Variants in CRPPA observed in about 807,000 individuals in gnomAD.
CRPPA encodes CDP-L-ribitol pyrophosphorylase A.
In CRPPA, 43 loss-of-function variants were observed where a neutral mutation model predicts 52.0. The observed-to-expected ratio is 0.83, with a 90% CI of 0.65 to 1.07. CRPPA has a LOEUF of 1.07. Ranked by LOEUF, CRPPA falls within the 50% of genes least tolerant of loss-of-function variation. The probability of loss-of-function intolerance (pLI) is 0.00; values close to 1 mark genes in which losing one functional copy is unlikely to be tolerated. For missense variants in CRPPA, 629 were observed against 551.7 expected, an observed-to-expected ratio of 1.14 and a Z score of -1.40; for synonymous variants, 250 against 203.5, an observed-to-expected ratio of 1.23 and a Z score of -1.94.
At chr7:16,109,197 A>T (rs1474987227) in intron 9 of CRPPA, among the ~76,000 whole-genome samples, 2 of 151,770 alleles carry the variant, frequency 1.3e-5, no homozygotes, top group Non-Finnish European at 2.9e-5. Flanking sequence ...AGAAAAGAGA[A>T]GACTCAAATA....
At chr7:16,216,036 A>T in intron 9 of CRPPA, 30 bp downstream of exon 9, 1 of 1,529,946 alleles carries the variant, frequency 6.5e-7, no homozygotes. Flanking sequence ...TCTACAGAAC[A>T]TACATTCGGA....
chr7:16,380,059 T>G (rs567094999), intron 2 of CRPPA, among the ~76,000 whole-genome samples: 4,298 of 151,116 alleles, frequency 0.028, 218 homozygotes, highest in African/African-American at 0.098. Context: ...GGCATCCCTG[T>G]CTTGTGCCAG....
At chr7:16,285,273 C>T (rs1302965871) in intron 5 of CRPPA, among the ~76,000 whole-genome samples, 2 of 152,158 alleles carry the variant, frequency 1.3e-5, no homozygotes, top group East Asian at 3.9e-4. Context: ...AGTCTTTTGT[C>T]TCTCCCTGAA....
intron 3 of CRPPA, among the ~76,000 whole-genome samples, chr7:16,339,791 C>T (rs1405954092): frequency 6.6e-5 from 10 of 152,126 alleles, no homozygotes; most frequent in Non-Finnish European, 1.2e-4. Flanking sequence ...AATGTAAATG[C>T]ATCAACAAAA....
At chr7:16,174,132 G>A (rs887775068) in intron 9 of CRPPA, among the ~76,000 whole-genome samples, 2 of 152,050 alleles carry the variant, frequency 1.3e-5, no homozygotes, top group African/African-American at 4.8e-5. Flanking sequence ...GACCAAAAAG[G>A]CCACAAACTG....
intron 1 of CRPPA, among the ~76,000 whole-genome samples, chr7:16,407,873 G>A (rs1787991022): frequency 6.6e-6 from 1 of 152,122 alleles, no homozygotes; most frequent in Non-Finnish European, 1.5e-5. Flanking sequence ...TTGGGAGGCT[G>A]AGGCAGGTGG....
intron 5 of CRPPA, among the ~76,000 whole-genome samples, chr7:16,282,167 A>G (rs1784334477): frequency 6.6e-6 from 1 of 152,026 alleles, no homozygotes; most frequent in Non-Finnish European, 1.5e-5. Flanking sequence ...ATTTATATTT[A>G]AGGCTCTAAA....
At chr7:16,122,346 G>C (rs940432806) in intron 9 of CRPPA, among the ~76,000 whole-genome samples, 1 of 151,810 alleles carries the variant, frequency 6.6e-6, no homozygotes, top group African/African-American at 2.4e-5. Context: ...GAAAGAAAGA[G>C]TCCATCTTGA....
chr7:16,171,064 T>C (rs998378235), intron 9 of CRPPA, among the ~76,000 whole-genome samples: 13 of 152,242 alleles, frequency 8.5e-5, no homozygotes, highest in East Asian at 7.7e-4. Flanking sequence ...GTGGTCAGAG[T>C]GGACGCCAAG....
intron 6 of CRPPA, among the ~76,000 whole-genome samples, chr7:16,266,029 C>T (rs1185681241): frequency 6.6e-6 from 1 of 152,084 alleles, no homozygotes; most frequent in African/African-American, 2.4e-5. Context: ...ACACCCTTAC[C>T]CAGAGAGGAG....
chr7:16,257,371 T>G (rs1005087551), intron 8 of CRPPA, among the ~76,000 whole-genome samples: 1 of 152,076 alleles, frequency 6.6e-6, no homozygotes, highest in African/African-American at 2.4e-5. Flanking sequence ...CTTCCAACAT[T>G]GGATATATTC....
At chr7:16,321,139 A>G (rs532013426) in intron 3 of CRPPA, among the ~76,000 whole-genome samples, 7 of 152,160 alleles carry the variant, frequency 4.6e-5, no homozygotes, top group Non-Finnish European at 7.4e-5. Flanking sequence ...CATATCTATC[A>G]AACACTGCCT....
At chr7:16,242,216 A>G (rs928986523) in intron 8 of CRPPA, among the ~76,000 whole-genome samples, 1 of 151,842 alleles carries the variant, frequency 6.6e-6, no homozygotes, top group Non-Finnish European at 1.5e-5. Flanking sequence ...TGCCTCCCAA[A>G]GTGTTGGGAT....
intron 3 of CRPPA, among the ~76,000 whole-genome samples, chr7:16,344,866 T>C (rs1785968660): frequency 6.7e-6 from 1 of 149,654 alleles, no homozygotes; most frequent in South Asian, 2.1e-4. Context: ...TGGATAATAA[T>C]GAAGCATGCC....
chr7:16,325,220 G>A (rs1785354912), intron 3 of CRPPA, among the ~76,000 whole-genome samples: 1 of 152,172 alleles, frequency 6.6e-6, no homozygotes, highest in Admixed American at 6.5e-5. Context: ...GTTGAGAAAG[G>A]AAGTCAAACC....
At chr7:16,397,134 G>C (rs1460391425) in intron 2 of CRPPA, among the ~76,000 whole-genome samples, 1 of 152,268 alleles carries the variant, frequency 6.6e-6, no homozygotes, top group South Asian at 2.1e-4. Flanking sequence ...TGACAAGTTA[G>C]AGATGCGTGT....
intron 9 of CRPPA, among the ~76,000 whole-genome samples, chr7:16,174,308 G>T (rs750119597): frequency 1.3e-5 from 2 of 152,086 alleles, no homozygotes; most frequent in Admixed American, 6.6e-5. Context: ...ATGAAGTCAG[G>T]GTCAACAAAT....
At chr7:16,408,109 A>G (rs1457838012) in intron 1 of CRPPA, among the ~76,000 whole-genome samples, 2 of 69,948 alleles carry the variant, frequency 2.9e-5, no homozygotes, top group Admixed American at 1.6e-4. Flanking sequence ...CTCTGTCTTT[A>G]AAAAAAAAAA....
chr7:16,327,335 G>A (rs4489204), intron 3 of CRPPA, among the ~76,000 whole-genome samples: 12,988 of 152,132 alleles, frequency 0.085, 964 homozygotes, highest in African/African-American at 0.2. Flanking sequence ...GCTCACGCCT[G>A]TAATCCCAGC....
Sources: gnomAD v4.1 joint callset for allele counts (sites outside exome capture counted in the v4.1 genomes callset) on GRCh38, gnomAD v4.1.1 for gene constraint, MANE v1.5 for transcripts, NCBI Gene and HGNC (gene_info 2026-07-23, HGNC 2026-07-21) for gene names.